Variants in CFAP61 observed in about 807,000 individuals in gnomAD.
CFAP61 encodes cilia and flagella associated protein 61.
Under a neutral mutation model 135.6 loss-of-function variants are expected in CFAP61, and 107 were observed. The observed-to-expected ratio is 0.79, with a 90% CI of 0.67 to 0.93. The LOEUF is 0.93. Ranked by LOEUF, CFAP61 falls within the 40% of genes least tolerant of loss-of-function variation. The pLI is 0.00. For missense variants in CFAP61, 1,507 were observed against 1,556.2 expected (o/e 0.97, Z 0.53); for synonymous variants, 575 against 578.5 (o/e 0.99, Z 0.09).
intron 18 of CFAP61, among the ~76,000 whole-genome samples, chr20:20,233,271 CTAAT>C (rs1477287740): frequency 2.0e-5 from 3 of 152,266 alleles, no homozygotes; most frequent in Middle Eastern, 3.4e-3. Context: ...AATTAGGTGA[CTAAT>C]TAAATAGTCA....
intron 2 of CFAP61, among the ~76,000 whole-genome samples, chr20:20,067,628 C>T (rs531724381): frequency 1.5e-4 from 20 of 137,458 alleles, no homozygotes; most frequent in African/African-American, 5.1e-4. Context: ...GGTGACACAG[C>T]GAGACTCCAT....
chr20:20,142,239 A>G (rs1016542682), intron 8 of CFAP61, among the ~76,000 whole-genome samples: 6 of 152,228 alleles, frequency 3.9e-5, no homozygotes, highest in Non-Finnish European at 7.3e-5. Context: ...AGAACTTACT[A>G]AAAAACCAAT....
intron 3 of CFAP61, among the ~76,000 whole-genome samples, chr20:20,072,177 C>T (rs758881877): frequency 8.8e-5 from 11 of 124,398 alleles, no homozygotes; most frequent in Non-Finnish European, 1.3e-4. Context: ...TACAGTGGCA[C>T]GATCTCGGCT....
chr20:20,184,123 C>A (rs142382444), intron 13 of CFAP61, among the ~76,000 whole-genome samples: 1 of 152,330 alleles, frequency 6.6e-6, no homozygotes, highest in East Asian at 1.9e-4. Flanking sequence ...TAGAGTGGAC[C>A]ATGATATGGT....
chr20:20,157,339 C>T (rs529282091), intron 9 of CFAP61, among the ~76,000 whole-genome samples: 1 of 152,240 alleles, frequency 6.6e-6, no homozygotes, highest in East Asian at 1.9e-4. Context: ...TCCCAAAGTA[C>T]TGGAATTACA....
intron 18 of CFAP61, among the ~76,000 whole-genome samples, chr20:20,244,592 T>A (rs915932087): frequency 3.0e-4 from 45 of 152,150 alleles, no homozygotes; most frequent in African/African-American, 9.7e-4. Flanking sequence ...CAAAACCACT[T>A]TTTCCTCCTG....
intron 21 of CFAP61, among the ~76,000 whole-genome samples, chr20:20,272,447 T>TAAAAA (rs5840875): frequency 0.42 from 63,706 of 151,550 alleles, 13,605 homozygotes; most frequent in Non-Finnish European, 0.44. Context: ...ATTAATTAAT[T>TAAAAA]ATAAAATAAA....
intron 17 of CFAP61, chr20:20,221,876 T>C (rs928515841): frequency 3.9e-5 from 6 of 152,230 alleles, no homozygotes; most frequent in African/African-American, 1.2e-4. Flanking sequence ...TTCATTTCAA[T>C]GCCAAATCAT....
intron 25 of CFAP61, among the ~76,000 whole-genome samples, chr20:20,320,596 G>A (rs1602001933): frequency 1.5e-5 from 2 of 137,086 alleles, no homozygotes; most frequent in East Asian, 4.1e-4. Context: ...TGAAGTGTCT[G>A]GAGACATGCT....
At chr20:20,342,349 C>G (rs931355090) in intron 26 of CFAP61, among the ~76,000 whole-genome samples, 2 of 152,184 alleles carry the variant, frequency 1.3e-5, no homozygotes, top group Non-Finnish European at 2.9e-5. Context: ...AAAGCACACT[C>G]CTTTTATAAC....
At chr20:20,317,037 C>G (rs566743906) in intron 25 of CFAP61, 6 of 150,846 alleles carry the variant, frequency 4.0e-5, no homozygotes, top group Admixed American at 4.0e-4. Flanking sequence ...CCAGCATGCC[C>G]GGCTAATTTT....
At chr20:20,298,885 C>G (rs998239644) in intron 25 of CFAP61, among the ~76,000 whole-genome samples, 1 of 152,184 alleles carries the variant, frequency 6.6e-6, no homozygotes, top group Non-Finnish European at 1.5e-5. Context: ...ACTGACAGGT[C>G]GGTTAGACTT....
At chr20:20,338,065 A>G (rs2058308124) in intron 25 of CFAP61, among the ~76,000 whole-genome samples, 1 of 152,188 alleles carries the variant, frequency 6.6e-6, no homozygotes, top group Admixed American at 6.5e-5. Flanking sequence ...GTTTGCTACC[A>G]TGATATTTAT....
At chr20:20,075,963 A>G (rs1446402329) in intron 6 of CFAP61, among the ~76,000 whole-genome samples, 2 of 151,998 alleles carry the variant, frequency 1.3e-5, no homozygotes. Flanking sequence ...AAACCCACCT[A>G]TTTTCTGACA....
chr20:20,129,647 C>G, intron 8 of CFAP61, among the ~76,000 whole-genome samples: 1 of 150,842 alleles, frequency 6.6e-6, no homozygotes, highest in Admixed American at 6.6e-5. Flanking sequence ...ACTTTCTACC[C>G]CTATTCTTGC....
intron 8 of CFAP61, among the ~76,000 whole-genome samples, chr20:20,116,724 C>G (rs2049169553): frequency 6.6e-6 from 1 of 151,952 alleles, no homozygotes; most frequent in Non-Finnish European, 1.5e-5. Context: ...ATGTTTGTAC[C>G]CATCAATCAA....
At chr20:20,315,106 C>T (rs1372209509) in intron 25 of CFAP61, among the ~76,000 whole-genome samples, 6 of 145,142 alleles carry the variant, frequency 4.1e-5, no homozygotes, top group Admixed American at 2.1e-4. Flanking sequence ...CCTGAGGAAT[C>T]ACCACACTGA....
chr20:20,163,358 G>A (rs542202216), intron 10 of CFAP61, among the ~76,000 whole-genome samples: 1 of 152,082 alleles, frequency 6.6e-6, no homozygotes, highest in Non-Finnish European at 1.5e-5. Context: ...ACCTCCCCAC[G>A]ATAGTTACTC....
At chr20:20,240,697 G>A (rs759709297) in intron 18 of CFAP61, among the ~76,000 whole-genome samples, 22 of 152,002 alleles carry the variant, frequency 1.4e-4, no homozygotes, top group Admixed American at 3.3e-4. Context: ...TCTGCACTTG[G>A]TGACAAAACC....
Sources: allele counts gnomAD v4.1 joint callset (sites outside exome capture counted in the v4.1 genomes callset), GRCh38; gene constraint gnomAD v4.1.1; transcripts MANE v1.5; gene names NCBI Gene and HGNC (gene_info 2026-07-23, HGNC 2026-07-21).